Variants in SLC5A12 observed in about 807,000 individuals in gnomAD.
SLC5A12 encodes the protein sodium-coupled monocarboxylate transporter 2.
Under a neutral mutation model 72.7 loss-of-function variants are expected in SLC5A12, and 46 were observed. That is an observed-to-expected ratio of 0.63 (90% CI 0.50 to 0.81). SLC5A12 has a LOEUF of 0.81. Among genes scored for constraint, SLC5A12 ranks in the 30% least tolerant of loss-of-function variants. The pLI, the probability that SLC5A12 is intolerant of heterozygous loss-of-function variation, is 0.00. For missense variants in SLC5A12, 683 were observed against 740.7 expected, an observed-to-expected ratio of 0.92 and a Z score of 0.90; for synonymous variants, 275 against 264.4, an observed-to-expected ratio of 1.04 and a Z score of -0.39.
intron 4 of SLC5A12, among the ~76,000 whole-genome samples, chr11:26,707,394 A>T (rs917000701): frequency 6.6e-6 from 1 of 152,012 alleles, no homozygotes; most frequent in Admixed American, 6.6e-5. Flanking sequence ...TTTTTGAAAC[A>T]CTACCTCACC....
chr11:26,715,421 G>C (rs1855328405), intron 1 of SLC5A12, among the ~76,000 whole-genome samples: 1 of 152,150 alleles, frequency 6.6e-6, no homozygotes, highest in Admixed American at 6.5e-5. Context: ...TTGCCTTTCA[G>C]TGAGGACAAC....
chr11:26,703,707 T>C, intron 5 of SLC5A12, 36 bp from the exon 6 acceptor site: 1 of 1,613,410 alleles, frequency 6.2e-7, no homozygotes, highest in Non-Finnish European at 8.5e-7. Flanking sequence ...ACAAAGATAT[T>C]CCTTTGATGC....
intron 4 of SLC5A12, among the ~76,000 whole-genome samples, chr11:26,706,731 T>G (rs887345908): frequency 4.0e-5 from 6 of 151,696 alleles, no homozygotes; most frequent in African/African-American, 1.2e-4. Flanking sequence ...CTGAGTACTC[T>G]CTTCCTGATT....
intron 4 of SLC5A12, among the ~76,000 whole-genome samples, chr11:26,707,039 A>T (rs1250997074): frequency 1.3e-5 from 2 of 151,744 alleles, no homozygotes; most frequent in Non-Finnish European, 2.9e-5. Flanking sequence ...TTTAGGGAAG[A>T]TCTGTAAGTG....
chr11:26,717,471 T>A (rs1173629229), intron 1 of SLC5A12, among the ~76,000 whole-genome samples: 2 of 152,140 alleles, frequency 1.3e-5, no homozygotes, highest in Non-Finnish European at 2.9e-5. Context: ...ACAATTGAGA[T>A]AATGAAAATA....
chr11:26,707,269 T>C (rs975212639), intron 4 of SLC5A12, among the ~76,000 whole-genome samples: 22 of 152,154 alleles, frequency 1.4e-4, no homozygotes, highest in Admixed American at 1.4e-3. Flanking sequence ...TGTTCTACAG[T>C]TTCACTAATG....
intron 1 of SLC5A12, among the ~76,000 whole-genome samples, chr11:26,714,649 TTC>T (rs1422756371): frequency 1.3e-5 from 2 of 152,152 alleles, no homozygotes; most frequent in Non-Finnish European, 2.9e-5. Flanking sequence ...TTGATAGTAG[TTC>T]TTTCTTTTCT....
chr11:26,718,289 C>A (rs569649694), intron 1 of SLC5A12, among the ~76,000 whole-genome samples: 46 of 152,166 alleles, frequency 3.0e-4, no homozygotes, highest in Non-Finnish European at 6.3e-4. Context: ...TACAATAAAT[C>A]ATTTACTCCT....
chr11:26,681,406 G>A (rs999972775), intron 11 of SLC5A12, among the ~76,000 whole-genome samples, 185 bp from the exon 12 acceptor site: 12 of 152,146 alleles, frequency 7.9e-5, no homozygotes, highest in Admixed American at 2.6e-4. Flanking sequence ...TTATTAAGGA[G>A]TGACTTGTTC....
chr11:26,697,350 T>A, intron 7 of SLC5A12, 98 bp from the exon 8 acceptor site: 1 of 1,055,054 alleles, frequency 9.5e-7, no homozygotes, highest in East Asian at 2.6e-5. Flanking sequence ...GGTCTTCTCA[T>A]CAGTGTTTGA....
rs1160904738 is a variant in SLC5A12, at chr11:26,692,504, T to A, written c.1138A>T (p.Ile380Phe). Residue 380 changes from isoleucine to phenylalanine, a missense_variant, in exon 9 of 15, where the codon ATC becomes TTC. Transcript: ENST00000396005. The stretch of plus-strand genomic sequence containing the variant: ...CTGTACCTACATAAGCCTTTACTGA[T>A]CCAGGTGCTCAGCTTGTCGGAGAGA... ...PHLSDKLSTWISKGLCLLFGV... is the reference protein window; with the variant it reads ...PHLSDKLSTWFSKGLCLLFGV... 6.2e-7 allele frequency: 1 copy of A among 1,612,390 alleles called. No individual in the cohort carries two copies. The highest frequency in any genetic ancestry group is 8.5e-7 in the Non-Finnish European group (1 of 1,178,438).
Position 26,667,933 on chromosome 11 carries a change from A to G in SLC5A12, c.*3169T>C, listed in dbSNP as rs1449673609. 6.6e-6 allele frequency: 1 copy of G among 151,930 alleles called. No homozygotes were observed. The highest frequency in any genetic ancestry group is 2.4e-5 in the African/African-American group (1 of 41,386). 9.4% of individuals were successfully genotyped at this position (151,930 alleles called of 1,614,324 possible). ...AACCATTTAAGTTAACATGTACACC[A>G]TTTTCTTCATATACTGCAGACCAAG... On this transcript the variant is annotated 3_prime_UTR_variant, in exon 15 of 15. Transcript: ENST00000396005.
At chr11:26,716,826 C>A (rs1184752326) in intron 1 of SLC5A12, among the ~76,000 whole-genome samples, 1 of 152,138 alleles carries the variant, frequency 6.6e-6, no homozygotes, top group Non-Finnish European at 1.5e-5. Context: ...AGGAAACTCC[C>A]AATTACCTCC....
intron 4 of SLC5A12, among the ~76,000 whole-genome samples, chr11:26,706,078 C>A (rs1202266972): frequency 1.3e-5 from 2 of 151,944 alleles, no homozygotes; most frequent in African/African-American, 4.8e-5. Flanking sequence ...AACTACGGAA[C>A]CCTGGATGGC....
At chr11:26,686,381 G>T in intron 10 of SLC5A12, 96 bp downstream of exon 10, 2 of 1,073,858 alleles carry the variant, frequency 1.9e-6, no homozygotes, top group Non-Finnish European at 2.9e-6. Context: ...ATCATTAAAT[G>T]TCAGCCTTTG....
chr11:26,674,847 A>G (rs750829962), intron 13 of SLC5A12, among the ~76,000 whole-genome samples: 60 of 152,222 alleles, frequency 3.9e-4, no homozygotes, highest in Non-Finnish European at 6.0e-4. Context: ...TGTATTCTAC[A>G]TACTGAACAC....
At chr11:26,672,675 T>G (rs2133128543) in intron 14 of SLC5A12, among the ~76,000 whole-genome samples, 1 of 152,254 alleles carries the variant, frequency 6.6e-6, no homozygotes, top group South Asian at 2.1e-4. Context: ...CCTTGCTGCA[T>G]CAAGTCAGTA....
intron 14 of SLC5A12, 108 bp downstream of exon 14, chr11:26,673,294 A>G: frequency 8.1e-7 from 1 of 1,228,308 alleles, no homozygotes; most frequent in Non-Finnish European, 1.1e-6. Context: ...AAGTTCTCAC[A>G]CTCACTGCTT....
At chr11:26,682,187 A>G (rs568507069) in intron 11 of SLC5A12, among the ~76,000 whole-genome samples, 2 of 152,122 alleles carry the variant, frequency 1.3e-5, no homozygotes, top group East Asian at 1.9e-4. Flanking sequence ...AATTTTATTT[A>G]TGGGCACTGA....
Sources: allele counts gnomAD v4.1 joint callset (sites outside exome capture counted in the v4.1 genomes callset), GRCh38; gene constraint gnomAD v4.1.1; transcripts MANE v1.5; gene names NCBI Gene and HGNC (gene_info 2026-07-23, HGNC 2026-07-21).